ERBB4: variants seen among roughly 807,000 people sequenced by gnomAD.
ERBB4 encodes the protein erb-b2 receptor tyrosine kinase 4.
Under a neutral mutation model 158.0 loss-of-function variants are expected in ERBB4, and 42 were observed. The ratio of observed to expected loss-of-function variants is 0.27; its 90% CI spans 0.21 to 0.34. ERBB4 has a LOEUF of 0.34. ERBB4 is among the 10% of genes least tolerant of loss of function. The pLI, the probability that ERBB4 is intolerant of heterozygous loss-of-function variation, is 1.00. For synonymous variants in ERBB4, 583 were observed against 558.7 expected (o/e 1.04, Z -0.61); for missense variants, 1,333 against 1,624.1 (o/e 0.82, Z 3.08).
intron 1 of ERBB4, among the ~76,000 whole-genome samples, chr2:212,428,851 A>C (rs1213516681): frequency 6.6e-6 from 1 of 152,158 alleles, no homozygotes; most frequent in Non-Finnish European, 1.5e-5. Flanking sequence ...ATCTGTAGGC[A>C]TAACAGATAG....
chr2:211,772,908 T>C (rs867647052), intron 4 of ERBB4, among the ~76,000 whole-genome samples: 1,138 of 61,312 alleles, frequency 0.019, 135 homozygotes, highest in African/African-American at 0.066. Context: ...CATATATATA[T>C]ACACACACAC....
chr2:211,538,921 G>C (rs2066724982), intron 20 of ERBB4, among the ~76,000 whole-genome samples: 1 of 151,770 alleles, frequency 6.6e-6, no homozygotes, highest in Admixed American at 6.6e-5. Flanking sequence ...TCTTTAATAT[G>C]CATTACTGTG....
At chr2:211,856,547 G>A (rs774007760) in intron 3 of ERBB4, among the ~76,000 whole-genome samples, 28 of 143,008 alleles carry the variant, frequency 2.0e-4, no homozygotes, top group Non-Finnish European at 3.4e-4. Context: ...CACCACGCCC[G>A]GCTAATTTTT....
At chr2:212,048,243 A>G (rs1328553632) in intron 2 of ERBB4, among the ~76,000 whole-genome samples, 2 of 152,178 alleles carry the variant, frequency 1.3e-5, no homozygotes, top group Non-Finnish European at 2.9e-5. Flanking sequence ...AAAGGTATGG[A>G]ATATGACTTT....
intron 3 of ERBB4, among the ~76,000 whole-genome samples, chr2:211,817,850 A>G (rs2076911445): frequency 6.6e-6 from 1 of 152,090 alleles, no homozygotes; most frequent in African/African-American, 2.4e-5. Flanking sequence ...ATTCAAGGGG[A>G]TGGAAAGAAT....
chr2:212,394,177 T>C (rs1369648446), intron 1 of ERBB4, among the ~76,000 whole-genome samples: 3 of 152,106 alleles, frequency 2.0e-5, no homozygotes, highest in Non-Finnish European at 4.4e-5. Flanking sequence ...AATGGTCTCA[T>C]GTACAAATGT....
intron 4 of ERBB4, among the ~76,000 whole-genome samples, chr2:211,763,291 G>T (rs1296008498): frequency 1.3e-5 from 2 of 152,190 alleles, no homozygotes; most frequent in African/African-American, 4.8e-5. Flanking sequence ...TGGATAGCCT[G>T]TGTTTTCATC....
At chr2:212,536,830 T>C (rs148193432) in intron 1 of ERBB4, among the ~76,000 whole-genome samples, 376 of 152,250 alleles carry the variant, frequency 2.5e-3, no homozygotes, top group Non-Finnish European at 4.1e-3. Flanking sequence ...CGGCTAAGCC[T>C]GCATGTCGGT....
chr2:211,995,226 A>C (rs2082172086), intron 2 of ERBB4, among the ~76,000 whole-genome samples: 1 of 152,166 alleles, frequency 6.6e-6, no homozygotes, highest in Non-Finnish European at 1.5e-5. Flanking sequence ...TTCACTGTTT[A>C]ATTTCTCAGT....
At chr2:211,749,489 G>T (rs1256378567) in intron 5 of ERBB4, among the ~76,000 whole-genome samples, 1 of 150,592 alleles carries the variant, frequency 6.6e-6, no homozygotes, top group Non-Finnish European at 1.5e-5. Context: ...CCTATGGAGA[G>T]CTGAGGGAAA....
At chr2:212,015,253 G>C (rs988304137) in intron 2 of ERBB4, among the ~76,000 whole-genome samples, 1 of 149,966 alleles carries the variant, frequency 6.7e-6, no homozygotes, top group East Asian at 1.9e-4. Flanking sequence ...GCAACAGAGC[G>C]AGACACTGTC....
At chr2:212,537,847 G>C (rs1052022195) in intron 1 of ERBB4, among the ~76,000 whole-genome samples, 1 of 151,852 alleles carries the variant, frequency 6.6e-6, no homozygotes, top group Non-Finnish European at 1.5e-5. Context: ...CCAGAACTCC[G>C]GGCCCCGGAC....
intron 1 of ERBB4, among the ~76,000 whole-genome samples, chr2:212,470,383 T>C (rs1275617729): frequency 6.6e-6 from 1 of 152,100 alleles, no homozygotes; most frequent in African/African-American, 2.4e-5. Context: ...TTACTCCAAC[T>C]ACGTGATTAA....
chr2:211,683,741 G>T (rs1286877461), intron 12 of ERBB4, among the ~76,000 whole-genome samples: 6 of 102,742 alleles, frequency 5.8e-5, no homozygotes, highest in African/African-American at 2.6e-4. Context: ...CTTTAGTCAG[G>T]GTTTTTTTTT....
chr2:212,525,345 C>G (rs1006633312), intron 1 of ERBB4, among the ~76,000 whole-genome samples: 2 of 151,700 alleles, frequency 1.3e-5, no homozygotes, highest in African/African-American at 4.8e-5. Flanking sequence ...TTACTGAAAA[C>G]CTTAATCAAC....
chr2:211,662,197 T>C (rs2071455229), intron 15 of ERBB4, among the ~76,000 whole-genome samples: 3 of 151,160 alleles, frequency 2.0e-5, no homozygotes, highest in Non-Finnish European at 4.4e-5. Context: ...ATTCCAAGTC[T>C]AAAATGCAGG....
At chr2:212,220,234 T>TA (rs2083251074) in intron 1 of ERBB4, among the ~76,000 whole-genome samples, 2 of 151,584 alleles carry the variant, frequency 1.3e-5, no homozygotes, top group East Asian at 3.9e-4. Flanking sequence ...TTTTTGAGTA[T>TA]ATAAGAATAT....
At position 211,657,642 on chromosome 2, in the gene ERBB4, ATATAT is replaced by A. The variant is rs1245124194; in HGVS notation, c.1946+107_1946+111del. 4.8e-6 allele frequency: 4 copies of A among 835,062 alleles called. No individual in the cohort carries two copies. In the African/African-American group the frequency reaches 6.8e-5, roughly 14 times the overall value. The allele number at this position is 835,062 out of a possible 1,614,324, so 51.7% of individuals were successfully genotyped here. On this transcript the variant is annotated intron_variant, in intron 16 of 27. Coordinates refer to ENST00000342788, the MANE Select transcript of ERBB4 (RefSeq NM_005235.3). Reference sequence around the variant, plus strand: ...GCCTCTTTCAAAACTTTCCAATTTGATATATTATGAGTTACAATATATTATAAATT... The same window carrying A: ...GCCTCTTTCAAAACTTTCCAATTTGATATGAGTTACAATATATTATAAATT...
intron 1 of ERBB4, among the ~76,000 whole-genome samples, chr2:212,460,611 G>C (rs1688522799): frequency 6.6e-6 from 1 of 152,146 alleles, no homozygotes; most frequent in African/African-American, 2.4e-5. Context: ...AGATGATTTA[G>C]GGTATCTGGT....
Sources: gnomAD v4.1 joint callset for allele counts (sites outside exome capture counted in the v4.1 genomes callset) on GRCh38, gnomAD v4.1.1 for gene constraint, MANE v1.5 for transcripts, NCBI Gene and HGNC (gene_info 2026-07-23, HGNC 2026-07-21) for gene names.